The following SECISBP2 variants were observed in gnomAD, a reference collection of about 807,000 sequenced individuals.
SECISBP2 encodes selenocysteine insertion sequence-binding protein 2.
A neutral mutation model predicts 98.2 loss-of-function variants in SECISBP2; 96 were observed. That is an observed-to-expected ratio of 0.98 (90% CI 0.83 to 1.16). The LOEUF (loss-of-function observed/expected upper bound fraction) is 1.16. SECISBP2 is among the 50% of genes most tolerant of loss of function. The pLI, the probability that SECISBP2 is intolerant of heterozygous loss-of-function variation, is 0.00. For synonymous variants in SECISBP2, 407 were observed against 370.2 expected (o/e 1.10, Z -1.14); for missense variants, 1,046 against 1,022.9 (o/e 1.02, Z -0.31).
chr9:89,326,122 A>G lies in SECISBP2; in HGVS notation c.574+84A>G, dbSNP rs189197218. On this transcript the variant is annotated intron_variant, in intron 4 of 16. Coordinates refer to ENST00000375807, the MANE Select transcript of SECISBP2 (RefSeq NM_024077.5). ...TCCTGCTATGTATACAGCTGTTTCT[A>G]TGGGCTTGTTCATTGTGACTACTCC... is the stretch of plus-strand genomic sequence containing the variant. The G allele has an allele frequency of 1.7e-5, 26 of 1,525,146 alleles. No individual in the cohort carries two copies. The Middle Eastern group carries it at 1.0e-3, about 60-fold the overall frequency. 94.5% of individuals were successfully genotyped at this position (1,525,146 alleles called of 1,614,324 possible).
At chr9:89,347,091 A>C (rs1360855923) in intron 11 of SECISBP2, 43 bp downstream of exon 11, 1 of 1,591,422 alleles carries the variant, frequency 6.3e-7, no homozygotes, top group African/African-American at 1.3e-5. Context: ...TAGAAAACTT[A>C]GTCTCACATT....
chr9:89,337,521 G>A (rs558254228), intron 7 of SECISBP2, among the ~76,000 whole-genome samples: 1 of 152,250 alleles, frequency 6.6e-6, no homozygotes, highest in South Asian at 2.1e-4. Flanking sequence ...AGAGAGAGGG[G>A]TTTCTCTGTT....
the SECISBP2 span, among the ~76,000 whole-genome samples, chr9:89,365,867 C>T: frequency 1.3e-5 from 2 of 152,312 alleles, no homozygotes; most frequent in Non-Finnish European, 2.9e-5. Flanking sequence ...TTTAATGAAG[C>T]TGACTTTAGT....
At chr9:89,319,617 A>C in intron 1 of SECISBP2, 35 bp from the exon 2 acceptor site, 1 of 1,612,936 alleles carries the variant, frequency 6.2e-7, no homozygotes, top group South Asian at 1.1e-5. Context: ...TTGATCTCTG[A>C]ATGTTTGTGG....
chr9:89,363,965 C>A, downstream of SECISBP2: 1 of 1,614,014 alleles, frequency 6.2e-7, no homozygotes, highest in South Asian at 1.1e-5. Flanking sequence ...GGACACAGAC[C>A]GTTTCCACCT....
At chr9:89,347,322 A>G (rs1160536487) in intron 11 of SECISBP2, among the ~76,000 whole-genome samples, 1 of 152,106 alleles carries the variant, frequency 6.6e-6, no homozygotes, top group Admixed American at 6.5e-5. Flanking sequence ...GAAAACCAGA[A>G]ATGGGAGGAG....
chr9:89,363,528 C>T (rs373051204), downstream of SECISBP2: 2 of 1,613,950 alleles, frequency 1.2e-6, no homozygotes. Flanking sequence ...TGGGTCACTT[C>T]TGGAAAACAA....
chr9:89,344,708 C>T (rs1830180459), intron 10 of SECISBP2, among the ~76,000 whole-genome samples: 1 of 152,108 alleles, frequency 6.6e-6, no homozygotes, highest in South Asian at 2.1e-4. Context: ...AAACTACCTT[C>T]TTAGCAGTTG....
At chr9:89,346,779 C>T (rs1318550495) in intron 10 of SECISBP2, 103 bp from the exon 11 acceptor site, 2 of 1,386,214 alleles carry the variant, frequency 1.4e-6, no homozygotes, top group African/African-American at 2.8e-5. Context: ...ACTTGGCAAA[C>T]TCCTTCAGAT....
At chr9:89,364,037 C>T (rs754445631), downstream of SECISBP2, 1 of 1,610,306 alleles carries the variant, frequency 6.2e-7, no homozygotes, top group Non-Finnish European at 8.5e-7. Context: ...GTTACCTCTG[C>T]TGTCCCAGTT....
chr9:89,324,051 T>G (rs1826263361), intron 2 of SECISBP2: 1 of 152,248 alleles, frequency 6.6e-6, no homozygotes, highest in Admixed American at 6.5e-5. Context: ...ATCTATTTAT[T>G]GGACTTGGGA....
At chr9:89,354,843 C>T (rs2132051658) in intron 14 of SECISBP2, 1 of 985,028 alleles carries the variant, frequency 1.0e-6, no homozygotes, top group African/African-American at 1.7e-5. Flanking sequence ...GAGAGAGATG[C>T]ATCTGATGTT....
chr9:89,348,207 G>GCTGT lies in SECISBP2; in HGVS notation c.1733_1736dup (p.Gly580ValfsTer16). ...ATGACCAGTTTCCCGAGCAGGCAGA[G>GCTGT]CTGTCAGGTACCAACTTCTCTTTGT... On this transcript the variant is annotated frameshift_variant, in exon 12 of 17. Transcript: ENST00000375807. LOFTEE classifies it high-confidence loss of function. 1 of 1,614,212 alleles carries GCTGT rather than the reference G, an allele frequency of 6.2e-7. No homozygotes were observed. Among genetic ancestry groups the GCTGT allele is most frequent in the Non-Finnish European group, 8.5e-7 (1 of 1,180,030 alleles).
chr9:89,341,001 C>A (rs947140714), intron 9 of SECISBP2, among the ~76,000 whole-genome samples: 2 of 152,202 alleles, frequency 1.3e-5, no homozygotes, highest in Non-Finnish European at 2.9e-5. Context: ...GGCGATAGTA[C>A]TAACCAAGTA....
downstream of SECISBP2, chr9:89,364,232 A>C (rs781385037): frequency 7.5e-6 from 4 of 536,094 alleles, no homozygotes; most frequent in African/African-American, 3.8e-5. Context: ...CCTTTCTTGC[A>C]GCGCTGTGCT....
chr9:89,335,042 A>G (rs930662592), intron 7 of SECISBP2, among the ~76,000 whole-genome samples: 9 of 152,170 alleles, frequency 5.9e-5, no homozygotes, highest in South Asian at 2.1e-4. Context: ...GTGAAACCCC[A>G]TCTCTACTAA....
the SECISBP2 span, chr9:89,365,407 C>T: frequency 6.6e-6 from 1 of 152,526 alleles, no homozygotes; most frequent in South Asian, 2.1e-4. Flanking sequence ...GCCTAGCGAC[C>T]CGGCTCCCTG....
intron 4 of SECISBP2, among the ~76,000 whole-genome samples, chr9:89,327,643 C>T (rs1275328872): frequency 6.6e-6 from 1 of 152,152 alleles, no homozygotes; most frequent in African/African-American, 2.4e-5. Context: ...TCAGAATCAT[C>T]TGTATCACTG....
At chr9:89,353,445 C>G (rs1294032281) in intron 14 of SECISBP2, among the ~76,000 whole-genome samples, 1 of 152,188 alleles carries the variant, frequency 6.6e-6, no homozygotes, top group Non-Finnish European at 1.5e-5. Context: ...TCATGTCCTG[C>G]AAACCTGTGC....
Sources: gnomAD v4.1 joint callset for allele counts (sites outside exome capture counted in the v4.1 genomes callset) on GRCh38, gnomAD v4.1.1 for gene constraint, MANE v1.5 for transcripts, NCBI Gene and HGNC (gene_info 2026-07-23, HGNC 2026-07-21) for gene names.